Variants in AMPH observed in about 807,000 individuals in gnomAD.
AMPH encodes the protein amphiphysin, also known as amphiphysin (Stiff-Mann syndrome with breast cancer 128kD autoantigen).
Under a neutral mutation model 99.1 loss-of-function variants are expected in AMPH, and 49 were observed. The ratio of observed to expected loss-of-function variants is 0.49; its 90% CI spans 0.39 to 0.63. The LOEUF is 0.63. Ranked by LOEUF, AMPH falls within the 20% of genes least tolerant of loss-of-function variation. AMPH has a pLI of 0.00. For synonymous variants in AMPH, 314 were observed against 317.3 expected, an observed-to-expected ratio of 0.99 and a Z score of 0.11; for missense variants, 759 against 863.4, an observed-to-expected ratio of 0.88 and a Z score of 1.52.
intron 1 of AMPH, among the ~76,000 whole-genome samples, chr7:38,555,942 C>T (rs2129047347): frequency 6.6e-6 from 1 of 152,140 alleles, no homozygotes; most frequent in East Asian, 1.9e-4. Context: ...ATGGCAACAA[C>T]AGACAATGGG....
intron 5 of AMPH, among the ~76,000 whole-genome samples, chr7:38,486,177 C>T (rs186842558): frequency 2.8e-5 from 4 of 144,238 alleles, no homozygotes; most frequent in South Asian, 2.2e-4. Context: ...TTTTTTTGAG[C>T]AGATAAAATT....
At chr7:38,453,102 G>C (rs186460042) in intron 11 of AMPH, among the ~76,000 whole-genome samples, 8 of 152,126 alleles carry the variant, frequency 5.3e-5, no homozygotes, top group Non-Finnish European at 1.0e-4. Flanking sequence ...CCAGCTGCTA[G>C]AGCCATGTCG....
intron 2 of AMPH, among the ~76,000 whole-genome samples, chr7:38,512,295 A>G (rs1789570310): frequency 1.3e-5 from 2 of 152,152 alleles, no homozygotes; most frequent in Admixed American, 6.5e-5. Context: ...AATAAAACTC[A>G]TGCAAATCTG....
chr7:38,548,610 T>C (rs888266158), intron 1 of AMPH, among the ~76,000 whole-genome samples: 3 of 152,004 alleles, frequency 2.0e-5, no homozygotes, highest in African/African-American at 7.2e-5. Context: ...GGAGTGAGGT[T>C]AAGAGAGGAG....
chr7:38,429,373 C>A, intron 14 of AMPH: 1 of 1,290,438 alleles, frequency 7.7e-7, no homozygotes, highest in African/African-American at 1.5e-5. Flanking sequence ...AATCTTATGT[C>A]TTGCTCTGTT....
chr7:38,627,387 C>CAAAAAAAAAAAAAAAAAAAAAAAAAAAA, intron 1 of AMPH, among the ~76,000 whole-genome samples: 1 of 116,934 alleles, frequency 8.6e-6, no homozygotes, highest in Non-Finnish European at 1.7e-5. Context: ...ACTAAAAATA[C>CAAAAAAAAAAAAAAAAAAAAAAAAAAAA]AAAAAAAAAA....
At chr7:38,572,795 GAAGCC>G (rs1443911911) in intron 1 of AMPH, among the ~76,000 whole-genome samples, 2 of 152,226 alleles carry the variant, frequency 1.3e-5, no homozygotes, top group African/African-American at 4.8e-5. Context: ...CAGAAGCCAA[GAAGCC>G]AACCAACAGG....
chr7:38,441,770 G>C (rs13312112), intron 11 of AMPH, among the ~76,000 whole-genome samples: 5,113 of 85,632 alleles, frequency 0.06, 491 homozygotes, highest in African/African-American at 0.15. Context: ...TCATATATAT[G>C]ATATATATCA....
chr7:38,399,413 G>A (rs558400136), intron 17 of AMPH, among the ~76,000 whole-genome samples: 20 of 152,264 alleles, frequency 1.3e-4, no homozygotes, highest in Middle Eastern at 3.4e-3. Flanking sequence ...TTCCAATGCC[G>A]TATTTACTGA....
At chr7:38,425,604 G>C (rs2128990593) in intron 15 of AMPH, among the ~76,000 whole-genome samples, 1 of 152,270 alleles carries the variant, frequency 6.6e-6, no homozygotes, top group East Asian at 1.9e-4. Context: ...GGCTTTGATG[G>C]AACTCTATCA....
At chr7:38,522,675 G>T (rs908208889) in intron 2 of AMPH, among the ~76,000 whole-genome samples, 2 of 152,184 alleles carry the variant, frequency 1.3e-5, no homozygotes, top group Non-Finnish European at 2.9e-5. Context: ...CCCTGGACTG[G>T]TGCAGCACAG....
intron 1 of AMPH, 147 bp downstream of exon 1, chr7:38,631,136 G>T: frequency 1.5e-6 from 1 of 646,580 alleles, no homozygotes; most frequent in Non-Finnish European, 2.1e-6. Flanking sequence ...CGAGCTGAGG[G>T]CAGGGCGTCC....
intron 1 of AMPH, among the ~76,000 whole-genome samples, chr7:38,590,363 G>A (rs1198892640): frequency 6.6e-6 from 1 of 152,204 alleles, no homozygotes; most frequent in Non-Finnish European, 1.5e-5. Flanking sequence ...AGGGGTAGAA[G>A]TCAGCAGCGG....
chr7:38,526,393 G>A (rs1038475287), intron 2 of AMPH, among the ~76,000 whole-genome samples: 11 of 139,992 alleles, frequency 7.9e-5, no homozygotes, highest in East Asian at 2.1e-4. Context: ...CCTCAGCCTC[G>A]CAAGTAGCTG....
intron 2 of AMPH, among the ~76,000 whole-genome samples, chr7:38,513,026 A>G (rs3807404): frequency 0.24 from 36,771 of 152,108 alleles, 4,833 homozygotes; most frequent in Non-Finnish European, 0.3. Context: ...GAACAGTTTG[A>G]AAAGCAAGGG....
At chr7:38,469,001 A>G (rs1249828507) in intron 7 of AMPH, among the ~76,000 whole-genome samples, 1 of 117,408 alleles carries the variant, frequency 8.5e-6, no homozygotes, top group African/African-American at 3.5e-5. Context: ...AAAAATACAA[A>G]AAATTAGCCG....
chr7:38,546,205 G>T (rs116160312), intron 1 of AMPH, among the ~76,000 whole-genome samples: 2,301 of 152,286 alleles, frequency 0.015, 58 homozygotes, highest in African/African-American at 0.053. Flanking sequence ...CTATGTCAGA[G>T]CACACAGCTT....
At chr7:38,406,736 CTCTCTCT>C in intron 17 of AMPH, among the ~76,000 whole-genome samples, 1 of 76,934 alleles carries the variant, frequency 1.3e-5, no homozygotes, top group East Asian at 2.5e-4. Flanking sequence ...CTTTCCCTCT[CTCTCTCT>C]CTCTCTCTCT....
chr7:38,473,882 A>C (rs965532985), intron 7 of AMPH, among the ~76,000 whole-genome samples: 1 of 152,142 alleles, frequency 6.6e-6, no homozygotes, highest in African/African-American at 2.4e-5. Context: ...TATTTGTTTT[A>C]TCTCTATCCC....
Sources: allele counts gnomAD v4.1 joint callset (sites outside exome capture counted in the v4.1 genomes callset), GRCh38; gene constraint gnomAD v4.1.1; transcripts MANE v1.5; gene names NCBI Gene and HGNC (gene_info 2026-07-23, HGNC 2026-07-21).